WASL: variants seen among roughly 807,000 people sequenced by gnomAD.
WASL encodes WASP like actin nucleation promoting factor, also known as actin nucleation-promoting factor WASL.
A neutral mutation model predicts 55.5 loss-of-function variants in WASL; 20 were observed. The ratio of observed to expected loss-of-function variants is 0.36; its 90% confidence interval spans 0.25 to 0.52. The LOEUF is 0.52. Among genes scored for constraint, WASL ranks in the 20% least tolerant of loss-of-function variants. WASL has a pLI of 0.92. For missense variants in WASL, 504 were observed against 622.5 expected (o/e 0.81, Z 2.03); for synonymous variants, 249 against 217.6 (o/e 1.14, Z -1.27).
intron 1 of WASL, among the ~76,000 whole-genome samples, chr7:123,724,678 G>A (rs898883523): frequency 2.6e-5 from 4 of 152,068 alleles, no homozygotes; most frequent in South Asian, 2.1e-4. Flanking sequence ...TCTTAGAATC[G>A]TATTGATTAC....
At chr7:123,745,330 C>G (rs921731876) in intron 1 of WASL, among the ~76,000 whole-genome samples, 1 of 152,130 alleles carries the variant, frequency 6.6e-6, no homozygotes, top group African/African-American at 2.4e-5. Context: ...CTGCCTCCAC[C>G]TTTCCCCTGA....
chr7:123,743,336 C>CA (rs35592197), intron 1 of WASL, among the ~76,000 whole-genome samples: 42,086 of 105,974 alleles, frequency 0.4, 7,282 homozygotes, highest in African/African-American at 0.47. Context: ...GACTCTGTCT[C>CA]AAAAAAAAAA....
intron 1 of WASL, among the ~76,000 whole-genome samples, chr7:123,736,654 C>T (rs1219150263): frequency 3.9e-5 from 6 of 151,902 alleles, no homozygotes; most frequent in African/African-American, 1.5e-4. Flanking sequence ...TATGTAATAC[C>T]TGGGTATTAT....
rs146950391 is a variant in WASL at position 123,714,296 on chromosome 7, G to A, written c.118-5073C>T. On this transcript the variant is annotated intron_variant, in intron 1 of 10. Coordinates refer to ENST00000223023, the MANE Select transcript of WASL (RefSeq NM_003941.4). ...AAAAGAAAACACAAAAATTCACTTTGGAGACAAGGGATCTTATCACCTGGT... is the reference window on the plus strand; with the variant it reads ...AAAAGAAAACACAAAAATTCACTTTAGAGACAAGGGATCTTATCACCTGGT... 8.7e-4 allele frequency among the ~76,000 whole-genome samples: 133 copies of A among 152,156 alleles called. No individual in the cohort carries two copies. In the East Asian group the frequency reaches 0.02, roughly 22 times the overall value.
intron 5 of WASL, among the ~76,000 whole-genome samples, chr7:123,699,148 G>C (rs778391380): frequency 6.6e-6 from 1 of 152,190 alleles, no homozygotes; most frequent in Non-Finnish European, 1.5e-5. Context: ...CACTTTGGAA[G>C]GCCAAGGCGG....
chr7:123,724,189 T>C (rs1700017295), intron 1 of WASL, among the ~76,000 whole-genome samples: 2 of 152,180 alleles, frequency 1.3e-5, no homozygotes, highest in Admixed American at 1.3e-4. Context: ...AAAAATAAAG[T>C]CCAAACTCTT....
At chr7:123,735,131 C>CA (rs36043723) in intron 1 of WASL, among the ~76,000 whole-genome samples, 213 of 111,222 alleles carry the variant, frequency 1.9e-3, no homozygotes, top group Middle Eastern at 4.9e-3. Context: ...AGTGTCTGAC[C>CA]AAAAAAAAAA....
intron 3 of WASL, 99 bp from the exon 4 acceptor site, chr7:123,706,472 A>G (rs1803671217): frequency 1.7e-6 from 2 of 1,189,324 alleles, no homozygotes. Context: ...CTAAAGAACG[A>G]AAGGTTAATT....
Position 123,682,496 on chromosome 7 carries a change from G to C in WASL, c.*2023C>G, listed in dbSNP as rs1229835130. The stretch of plus-strand genomic sequence containing the variant: ...AATTGTGCTTTGAACTCGAAGAATG[G>C]GTACTCTCTGCTGAGAGAAGTTCCT... On this transcript the variant is annotated 3_prime_UTR_variant, in exon 11 of 11. Coordinates refer to ENST00000223023, the MANE Select transcript of WASL (RefSeq NM_003941.4). 1.3e-5 allele frequency: 2 copies of C among 152,008 alleles called. No homozygotes were observed. Among genetic ancestry groups the C allele is most frequent in the Non-Finnish European group, 2.9e-5 (2 of 67,970 alleles). 9.4% of individuals were successfully genotyped at this position (152,008 alleles called of 1,614,324 possible). A position where few individuals can be genotyped will look rare whatever the true frequency, so the allele number is the denominator to read the frequency against.
chr7:123,687,117 A>G (rs1220041075), intron 10 of WASL, among the ~76,000 whole-genome samples: 1 of 152,106 alleles, frequency 6.6e-6, no homozygotes, highest in Admixed American at 6.5e-5. Context: ...CCTTGGAGTC[A>G]TTTTGCACTC....
At chr7:123,703,626 A>G (rs903662691) in intron 5 of WASL, among the ~76,000 whole-genome samples, 4 of 152,204 alleles carry the variant, frequency 2.6e-5, no homozygotes, top group African/African-American at 9.6e-5. Context: ...ACAACCCAGA[A>G]TTTAATACAG....
intron 1 of WASL, among the ~76,000 whole-genome samples, chr7:123,734,901 A>G (rs1804200167): frequency 6.6e-6 from 1 of 152,108 alleles, no homozygotes; most frequent in South Asian, 2.1e-4. Flanking sequence ...GGAAGGAGAC[A>G]GAGTATATGG....
In WASL at chr7:123,725,217, TG is replaced by T. The variant is rs1408705606; in HGVS notation, c.118-15995del. On this transcript the variant is annotated intron_variant, in intron 1 of 10. Transcript: ENST00000223023. ...TTTTCAAGACGGTCTTAAAAACAGA[TG>T]GTGTTCTATCTTTTACACATTATTG... is the stretch of plus-strand genomic sequence containing the variant. Among the ~76,000 whole-genome samples the T allele has an allele frequency of 2.6e-5, 4 of 152,350 alleles. No individual in the cohort carries two copies. The East Asian group carries it at 5.8e-4, about 22-fold the overall frequency.
chr7:123,734,609 A>G (rs977365474), intron 1 of WASL, among the ~76,000 whole-genome samples: 3 of 151,488 alleles, frequency 2.0e-5, no homozygotes, highest in African/African-American at 7.3e-5. Context: ...AAAAAAAAAA[A>G]AAAAATCAGT....
intron 1 of WASL, among the ~76,000 whole-genome samples, chr7:123,718,743 T>C (rs1803889143): frequency 6.6e-6 from 1 of 152,218 alleles, no homozygotes; most frequent in Non-Finnish European, 1.5e-5. Flanking sequence ...CTTAAATGCT[T>C]GCTGTAATGG....
In WASL at chr7:123,696,745, G is replaced by T; in HGVS notation, c.463C>A (p.Pro155Thr). 1 of 1,540,768 alleles carries T rather than the reference G, an allele frequency of 6.5e-7. No homozygotes were observed. Among genetic ancestry groups the T allele is most frequent in the South Asian group, 1.4e-5 (1 of 74,014 alleles). ...TCAACTGTAGCCATGGGTAGATTAGGACCTGCAAATAAAACCAAATTATAT... is the reference window on the plus strand; with the variant it reads ...TCAACTGTAGCCATGGGTAGATTAGTACCTGCAAATAAAACCAAATTATAT... ...SEKRRDPPNG[P>T]NLPMATVDIK... The change falls in exon 6 of 11, where the codon CCT (proline) becomes ACT (threonine). Residue 155 changes from proline (P) to threonine (T), a missense_variant and splice_region_variant. Pro to Thr is a conservative substitution (Grantham distance 38). This residue lies in a region of WASL where 230 missense variants were observed against 271.9 expected (regional missense o/e 0.85). Coordinates refer to ENST00000223023, the MANE Select transcript of WASL (RefSeq NM_003941.4).
chr7:123,705,853 T>C (rs1015034015), intron 4 of WASL, among the ~76,000 whole-genome samples: 3 of 152,178 alleles, frequency 2.0e-5, no homozygotes, highest in African/African-American at 7.2e-5. Context: ...TAAGCTTACC[T>C]AAAGTCTTTG....
rs770197565 is a variant in WASL at position 123,692,760 on chromosome 7, G to C, written c.934C>G (p.Pro312Ala). 2 of 1,491,088 alleles carry C rather than the reference G, an allele frequency of 1.3e-6. No individual in the cohort carries two copies. Among genetic ancestry groups the C allele is most frequent in the East Asian group, 4.7e-5 (2 of 42,772 alleles). 92.4% of individuals were successfully genotyped at this position (1,491,088 alleles called of 1,614,324 possible). The change falls in exon 9 of 11, where the codon CCA (proline) becomes GCA (alanine). Residue 312 changes from proline to alanine, a missense_variant. Around this residue, in one of 5 missense-constraint regions of WASL, gnomAD observed 201 missense variants for 206.2 expected, o/e 0.97. Transcript: ENST00000223023. ...PPARGRGAPP[P>A]PPSRAPTAAP... Reference sequence around the variant, plus strand: ...GCTGTGGGAGCTCTTGAAGGTGGTGGGGGAGGAGCGCCTCTTCCCCTAGCA... The same window carrying C: ...GCTGTGGGAGCTCTTGAAGGTGGTGCGGGAGGAGCGCCTCTTCCCCTAGCA...
intron 1 of WASL, among the ~76,000 whole-genome samples, chr7:123,727,353 T>TCGCACACACACA (rs1554406247): frequency 6.0e-4 from 88 of 147,816 alleles, no homozygotes; most frequent in South Asian, 3.7e-3. Context: ...AAAATATGTG[T>TCGCACACACACA]CACACACACA....
Sources: allele counts gnomAD v4.1 joint callset (sites outside exome capture counted in the v4.1 genomes callset), GRCh38; gene constraint gnomAD v4.1.1; regional missense constraint gnomAD v4.1.1; transcripts MANE v1.5; gene names NCBI Gene and HGNC (gene_info 2026-07-23, HGNC 2026-07-21).